CYP7B1: variants seen among roughly 807,000 people sequenced by gnomAD.
The protein encoded by CYP7B1 is cytochrome P450 family 7 subfamily B member 1.
CYP7B1 carries 29 observed loss-of-function variants against 42.7 expected under a neutral mutation model. The ratio of observed to expected loss-of-function variants is 0.68; its 90% CI spans 0.51 to 0.93. The LOEUF (loss-of-function observed/expected upper bound fraction) is 0.93. CYP7B1 is among the 40% of genes least tolerant of loss of function. CYP7B1 has a pLI of 0.00. For synonymous variants in CYP7B1, 235 were observed against 218.2 expected, an observed-to-expected ratio of 1.08 and a Z score of -0.68; for missense variants, 655 against 600.5, an observed-to-expected ratio of 1.09 and a Z score of -0.95.
intron 1 of CYP7B1, among the ~76,000 whole-genome samples, chr8:64,652,069 T>C (rs1806047606): frequency 6.6e-6 from 1 of 152,200 alleles, no homozygotes; most frequent in Non-Finnish European, 1.5e-5. Context: ...CAGGTGAACA[T>C]TTTGAGATAA....
intron 1 of CYP7B1, among the ~76,000 whole-genome samples, chr8:64,756,477 G>T (rs906431966): frequency 2.0e-5 from 3 of 152,212 alleles, no homozygotes; most frequent in Non-Finnish European, 4.4e-5. Context: ...ATTTCTAGGT[G>T]CCAGGATAGG....
intron 1 of CYP7B1, among the ~76,000 whole-genome samples, chr8:64,709,014 G>A (rs1807041197): frequency 6.6e-6 from 1 of 152,114 alleles, no homozygotes; most frequent in South Asian, 2.1e-4. Context: ...CTAACTGTGG[G>A]CAACAGTGAT....
chr8:64,657,211 C>T (rs557116472), intron 1 of CYP7B1, among the ~76,000 whole-genome samples: 14 of 152,130 alleles, frequency 9.2e-5, no homozygotes, highest in African/African-American at 2.7e-4. Flanking sequence ...TATTGTTCCA[C>T]GACCTCAGTA....
intron 1 of CYP7B1, among the ~76,000 whole-genome samples, chr8:64,710,122 CCT>C (rs899297640): frequency 1.2e-4 from 18 of 152,208 alleles, no homozygotes; most frequent in African/African-American, 3.6e-4. Flanking sequence ...AGTACCAGCC[CCT>C]GTGATTCTGG....
At chr8:64,726,767 G>A (rs73243420) in intron 1 of CYP7B1, among the ~76,000 whole-genome samples, 5,675 of 152,272 alleles carry the variant, frequency 0.037, 350 homozygotes, top group African/African-American at 0.13. Context: ...AGGATCATCT[G>A]TATAGCAGAC....
intron 1 of CYP7B1, among the ~76,000 whole-genome samples, chr8:64,663,785 G>C (rs1806235556): frequency 6.6e-6 from 1 of 152,116 alleles, no homozygotes; most frequent in Non-Finnish European, 1.5e-5. Flanking sequence ...CTTTCTCTAA[G>C]GACCAAAAAT....
chr8:64,587,509 A>AC (rs1804984304), downstream of CYP7B1, among the ~76,000 whole-genome samples: 1 of 152,116 alleles, frequency 6.6e-6, no homozygotes. Flanking sequence ...TGTAAGAGGC[A>AC]CCCCGCAGCC....
At chr8:64,663,410 C>T (rs1806228745) in intron 1 of CYP7B1, among the ~76,000 whole-genome samples, 1 of 152,274 alleles carries the variant, frequency 6.6e-6, no homozygotes, top group South Asian at 2.1e-4. Context: ...TAAATGGAGG[C>T]TTCACTCCGT....
intron 1 of CYP7B1, among the ~76,000 whole-genome samples, chr8:64,689,390 A>T (rs1806704710): frequency 1.3e-5 from 2 of 152,214 alleles, no homozygotes; most frequent in African/African-American, 4.8e-5. Context: ...TGACACTTGC[A>T]GGCATGTATG....
At chr8:64,755,045 A>G (rs1354298195) in intron 1 of CYP7B1, among the ~76,000 whole-genome samples, 2 of 152,164 alleles carry the variant, frequency 1.3e-5, no homozygotes, top group East Asian at 3.9e-4. Flanking sequence ...AGAGTCATTG[A>G]GGCCTATGGT....
chr8:64,721,270 G>A (rs73689575), intron 1 of CYP7B1, among the ~76,000 whole-genome samples: 12,246 of 152,006 alleles, frequency 0.081, 739 homozygotes, highest in African/African-American at 0.16. Context: ...ACTAGCTCCA[G>A]TACAAAATAA....
At chr8:64,640,552 T>C (rs1217881178) in intron 1 of CYP7B1, among the ~76,000 whole-genome samples, 1 of 152,192 alleles carries the variant, frequency 6.6e-6, no homozygotes, top group African/African-American at 2.4e-5. Flanking sequence ...TCTCCTTTAA[T>C]GATTTTGCTG....
intron 1 of CYP7B1, among the ~76,000 whole-genome samples, chr8:64,737,858 AT>A (rs1226026062): frequency 6.6e-6 from 1 of 152,074 alleles, no homozygotes; most frequent in Non-Finnish European, 1.5e-5. Context: ...GTTATTCCCG[AT>A]TGGTGGCAGC....
chr8:64,630,498 T>G (rs73237773), intron 1 of CYP7B1, among the ~76,000 whole-genome samples: 4,710 of 152,354 alleles, frequency 0.031, 261 homozygotes, highest in African/African-American at 0.11. Context: ...TTTTCCTTGC[T>G]ATTCATATTT....
At chr8:64,603,832 C>A (rs1805236431) in intron 5 of CYP7B1, among the ~76,000 whole-genome samples, 1 of 152,166 alleles carries the variant, frequency 6.6e-6, no homozygotes, top group African/African-American at 2.4e-5. Context: ...TATCGTAATC[C>A]AGCCTGGATG....
chr8:64,737,563 T>C (rs1459978910), intron 1 of CYP7B1, among the ~76,000 whole-genome samples: 2 of 152,194 alleles, frequency 1.3e-5, no homozygotes, highest in Admixed American at 6.5e-5. Flanking sequence ...TCTTTCCATA[T>C]TTGTATAAGA....
At chr8:64,615,266 G>C (rs751214286) in intron 3 of CYP7B1, 34 bp from the exon 4 acceptor site, 48 of 1,577,184 alleles carry the variant, frequency 3.0e-5, no homozygotes, top group Non-Finnish European at 3.9e-5. Flanking sequence ...AAGATTAATA[G>C]CGTTTATTAC....
intron 1 of CYP7B1, among the ~76,000 whole-genome samples, chr8:64,756,772 A>G (rs780693273): frequency 1.3e-5 from 2 of 152,196 alleles, no homozygotes; most frequent in Non-Finnish European, 2.9e-5. Context: ...AGAAGTTGAC[A>G]CTAATTTTCT....
At chr8:64,611,345 C>T (rs1805360444) in intron 4 of CYP7B1, among the ~76,000 whole-genome samples, 1 of 152,154 alleles carries the variant, frequency 6.6e-6, no homozygotes, top group Admixed American at 6.5e-5. Context: ...TAATAGCTGT[C>T]ACTGTCCTCC....
Sources: allele counts gnomAD v4.1 joint callset (sites outside exome capture counted in the v4.1 genomes callset), GRCh38; gene constraint gnomAD v4.1.1; transcripts MANE v1.5; gene names NCBI Gene and HGNC (gene_info 2026-07-23, HGNC 2026-07-21).